Variants in TRIM24 observed in about 807,000 individuals in gnomAD.
The protein encoded by TRIM24 is transcription intermediary factor 1-alpha.
In TRIM24, 29 loss-of-function variants were observed where a neutral mutation model predicts 123.9. That is an observed-to-expected ratio of 0.23 (90% CI 0.17 to 0.32). TRIM24 has a LOEUF of 0.32. Ranked by LOEUF, TRIM24 falls within the 10% of genes least tolerant of loss-of-function variation. The pLI, the probability that TRIM24 is intolerant of heterozygous loss-of-function variation, is 1.00. For synonymous variants in TRIM24, 456 were observed against 461.1 expected (o/e 0.99, Z 0.14); for missense variants, 932 against 1,295.3 (o/e 0.72, Z 4.31).
chr7:138,512,670 T>A (rs886228696), intron 2 of TRIM24, among the ~76,000 whole-genome samples: 2 of 152,120 alleles, frequency 1.3e-5, no homozygotes, highest in Admixed American at 6.5e-5. Flanking sequence ...AGCAGTGTCC[T>A]GAGGCTTCTC....
chr7:138,570,732 G>C lies in TRIM24; in HGVS notation c.1705-98G>C, dbSNP rs571623125. 13 of 1,226,130 alleles carry C rather than the reference G, an allele frequency of 1.1e-5. No individual in the cohort carries two copies. The South Asian group carries it at 1.9e-4, about 18-fold the overall frequency. The allele number at this position is 1,226,130 out of a possible 1,614,324, so 76.0% of individuals were successfully genotyped here. Reference sequence around the variant, plus strand: ...CCATTCTCCTTCCATGTAAATTACAGTTGAACTCTTCTACTTCATTTTGTG... The same window carrying C: ...CCATTCTCCTTCCATGTAAATTACACTTGAACTCTTCTACTTCATTTTGTG... On this transcript the variant is annotated intron_variant, in intron 10 of 18. Transcript: ENST00000343526.
chr7:138,527,548 G>C lies in TRIM24; in HGVS notation c.882-1568G>C, dbSNP rs1796635124. 3.3e-5 allele frequency among the ~76,000 whole-genome samples: 5 copies of C among 152,144 alleles called. No homozygotes were observed. In the South Asian group the frequency reaches 8.3e-4, roughly 25 times the overall value. On this transcript the variant is annotated intron_variant, in intron 5 of 18. Transcript: ENST00000343526. ...GATTGGTTGCTTCTCAGGCTTATCT[G>C]GTTCCCTTGATCCTGTAGTAATGTT...
At chr7:138,524,593 A>G (rs976681343) in intron 4 of TRIM24, among the ~76,000 whole-genome samples, 5 of 152,178 alleles carry the variant, frequency 3.3e-5, no homozygotes, top group African/African-American at 1.2e-4. Context: ...ATTTTATAGA[A>G]AAACTTAAAT....
chr7:138,582,773 A>G (rs1003421363), intron 17 of TRIM24, among the ~76,000 whole-genome samples: 4 of 152,188 alleles, frequency 2.6e-5, no homozygotes, highest in Non-Finnish European at 5.9e-5. Context: ...TCAAATTAAT[A>G]CAAAGTTGAG....
At chr7:138,474,434 C>G (rs575957227) in intron 1 of TRIM24, among the ~76,000 whole-genome samples, 1 of 152,140 alleles carries the variant, frequency 6.6e-6, no homozygotes, top group East Asian at 1.9e-4. Flanking sequence ...CTATCTTGTA[C>G]TTTTTCTATG....
intron 6 of TRIM24, among the ~76,000 whole-genome samples, chr7:138,534,564 C>CTG: frequency 6.6e-6 from 1 of 152,290 alleles, no homozygotes; most frequent in East Asian, 1.9e-4. Context: ...TTTGATTGCA[C>CTG]TGTAGTCTGA....
intron 1 of TRIM24, among the ~76,000 whole-genome samples, chr7:138,485,733 G>T (rs985010435): frequency 2.0e-5 from 3 of 152,126 alleles, no homozygotes; most frequent in African/African-American, 4.8e-5. Context: ...TCTTAATCCA[G>T]TCTATCACTG....
chr7:138,472,272 C>T (rs371940519), intron 1 of TRIM24, among the ~76,000 whole-genome samples: 18 of 150,448 alleles, frequency 1.2e-4, no homozygotes, highest in Non-Finnish European at 2.2e-4. Flanking sequence ...AAAGGATCCA[C>T]GAGAACTACT....
chr7:138,465,854 T>A (rs1026729606), intron 1 of TRIM24, among the ~76,000 whole-genome samples: 2 of 152,246 alleles, frequency 1.3e-5, no homozygotes, highest in African/African-American at 4.8e-5. Context: ...TACATTGTCA[T>A]TTCCCTGAGG....
rs117055091 is a variant in TRIM24, at chr7:138,567,216, C to T, written c.1531-265C>T. On this transcript the variant is annotated intron_variant, in intron 9 of 18. Transcript: ENST00000343526. ...TTTACTTCCCAACATGGCCTAGGTC[C>T]AATTCTGGTACAATCTACTTACAAA... Among the ~76,000 whole-genome samples the T allele has an allele frequency of 2.6e-3, 399 of 152,210 alleles. 1 individual carries two copies. The highest frequency in any genetic ancestry group is 4.3e-3 in the Non-Finnish European group (291 of 68,008).
At chr7:138,534,979 T>C (rs1796835500) in intron 6 of TRIM24, among the ~76,000 whole-genome samples, 1 of 152,224 alleles carries the variant, frequency 6.6e-6, no homozygotes, top group Non-Finnish European at 1.5e-5. Flanking sequence ...ATGGCCTTCT[T>C]TGTCTCTTTT....
At chr7:138,552,343 T>A (rs778753266) in intron 8 of TRIM24, among the ~76,000 whole-genome samples, 1 of 152,208 alleles carries the variant, frequency 6.6e-6, no homozygotes, top group African/African-American at 2.4e-5. Flanking sequence ...AAAAAGAGAC[T>A]GTCATTTTGG....
chr7:138,501,587 T>TA (rs968758980), intron 1 of TRIM24, among the ~76,000 whole-genome samples: 16 of 151,904 alleles, frequency 1.1e-4, no homozygotes, highest in Non-Finnish European at 2.4e-4. Flanking sequence ...CATTGTTGGC[T>TA]AAAAAAATGT....
At chr7:138,550,573 T>A (rs545317141) in intron 7 of TRIM24, among the ~76,000 whole-genome samples, 2 of 152,078 alleles carry the variant, frequency 1.3e-5, no homozygotes, top group South Asian at 4.2e-4. Context: ...TGTGATGATA[T>A]GAGATTCAAA....
At chr7:138,512,575 G>A (rs530225270) in intron 2 of TRIM24, among the ~76,000 whole-genome samples, 1 of 152,272 alleles carries the variant, frequency 6.6e-6, no homozygotes, top group South Asian at 2.1e-4. Context: ...CAAGGCTTAT[G>A]CCTTGCACCC....
At chr7:138,494,281 TG>T (rs1260705611) in intron 1 of TRIM24, among the ~76,000 whole-genome samples, 1 of 152,026 alleles carries the variant, frequency 6.6e-6, no homozygotes, top group Non-Finnish European at 1.5e-5. Context: ...CCACTGCGAC[TG>T]GTGTTATTAT....
chr7:138,501,569 A>G (rs543874070), intron 1 of TRIM24, among the ~76,000 whole-genome samples: 1 of 152,110 alleles, frequency 6.6e-6, no homozygotes, highest in South Asian at 2.1e-4. Flanking sequence ...ACTGACATAT[A>G]TGCGATCCAT....
At chr7:138,566,534 C>T (rs1167550911) in intron 9 of TRIM24, among the ~76,000 whole-genome samples, 2 of 152,062 alleles carry the variant, frequency 1.3e-5, no homozygotes, top group African/African-American at 2.4e-5. Context: ...ATGTTTTCTT[C>T]TATGGAGACT....
intron 7 of TRIM24, among the ~76,000 whole-genome samples, chr7:138,542,917 T>A (rs562871391): frequency 6.6e-6 from 1 of 152,356 alleles, no homozygotes; most frequent in African/African-American, 2.4e-5. Context: ...TCTTATTTTT[T>A]CATTAGTTTT....
Sources: gnomAD v4.1 joint callset for allele counts (sites outside exome capture counted in the v4.1 genomes callset) on GRCh38, gnomAD v4.1.1 for gene constraint, MANE v1.5 for transcripts, NCBI Gene and HGNC (gene_info 2026-07-23, HGNC 2026-07-21) for gene names.